Variants in ADAMTS2 observed in about 807,000 individuals in gnomAD.
The protein encoded by ADAMTS2 is A disintegrin and metalloproteinase with thrombospondin motifs 2.
A neutral mutation model predicts 123.0 loss-of-function variants in ADAMTS2; 50 were observed. The observed-to-expected ratio is 0.41, with a 90% confidence interval of 0.32 to 0.51. ADAMTS2 has a LOEUF of 0.51. Among genes scored for constraint, ADAMTS2 ranks in the 20% least tolerant of loss-of-function variants. ADAMTS2 has a pLI of 0.35. For missense variants in ADAMTS2, 1,494 were observed against 1,705.2 expected (o/e 0.88, Z 2.18); for synonymous variants, 678 against 695.4 (o/e 0.98, Z 0.39).
chr5:179,138,501 G>A (rs778606274), intron 11 of ADAMTS2, among the ~76,000 whole-genome samples: 2 of 152,252 alleles, frequency 1.3e-5, no homozygotes, highest in Non-Finnish European at 2.9e-5. Flanking sequence ...AAGGCGGGCT[G>A]CGTTTCTGCA....
chr5:179,248,900 A>G lies in ADAMTS2; in HGVS notation c.688+24011T>C, dbSNP rs76481501. ...TGTAAATCAACTAGACCTGACAGAC[A>G]TACATAGAGCACCCCACTCAACAGC... is the stretch of plus-strand genomic sequence containing the variant. On this transcript the variant is annotated intron_variant, in intron 3 of 21. Transcript: ENST00000251582. 5.7e-3 allele frequency among the ~76,000 whole-genome samples: 870 copies of G among 152,272 alleles called. 11 individuals are homozygous for G. Among genetic ancestry groups the G allele is most frequent in the African/African-American group, 0.02 (832 of 41,578 alleles).
chr5:179,140,034 T>C lies in ADAMTS2; in HGVS notation c.1631A>G (p.His544Arg). 1 of 1,613,960 alleles carries C rather than the reference T, an allele frequency of 6.2e-7. No homozygotes were observed. The highest frequency in any genetic ancestry group is 8.5e-7 in the Non-Finnish European group (1 of 1,179,930). ...LDGTMCAPGK[H>R]CFKGHCIWLT... is the part of the protein sequence containing the mutation. ...CCAGATGCAGTGTCCTTTAAAACAA[T>C]GCTGAAAGACAGGAAGCCAGTCCCT... Residue 544 changes from histidine to arginine, a missense_variant and splice_region_variant, in exon 11 of 22, where the codon CAT becomes CGT. By Grantham distance (29) the His-to-Arg change is conservative. Around this residue, in one of 6 missense-constraint regions of ADAMTS2, gnomAD observed 953 missense variants for 1,124.7 expected, o/e 0.85. Coordinates refer to ENST00000251582, the MANE Select transcript of ADAMTS2 (RefSeq NM_014244.5).
chr5:179,140,653 C>T (rs1016604414), intron 10 of ADAMTS2, among the ~76,000 whole-genome samples: 3 of 152,034 alleles, frequency 2.0e-5, no homozygotes, highest in African/African-American at 7.2e-5. Context: ...AAATTAGGTG[C>T]AAAATGGGTT....
At position 179,345,303 on chromosome 5, in the gene ADAMTS2, C is replaced by T; in HGVS notation, c.26G>A (p.Arg9His). MDPPAGAA[R>H]RLLCPALLLL... ...CAGCAGCGCGGGGCAGAGCAGGCGG[C>T]GAGCGGCTCCCGCCGGCGGATCCAT... Residue 9 changes from arginine (R) to histidine (H), a missense_variant, in exon 1 of 22, where the codon CGC (arginine) becomes CAC (histidine). Around this residue, in one of 6 missense-constraint regions of ADAMTS2, gnomAD observed 237 missense variants for 233.7 expected, o/e 1.01. Transcript: ENST00000251582. This position sits in a 1 kb window ranked among gnomAD's most constrained non-coding sequence, Gnocchi z 7.5. 8.8e-7 allele frequency: 1 copy of T among 1,136,404 alleles called. No individual in the cohort carries two copies. The highest frequency in any genetic ancestry group is 1.1e-6 in the Non-Finnish European group (1 of 928,028). 70.4% of individuals were successfully genotyped at this position (1,136,404 alleles called of 1,614,324 possible). A position where few individuals can be genotyped will look rare whatever the true frequency, so the allele number is the denominator to read the frequency against.
At position 179,256,051 on chromosome 5, in the gene ADAMTS2, C is replaced by T. The variant is rs560345215; in HGVS notation, c.688+16860G>A. On this transcript the variant is annotated intron_variant, in intron 3 of 21. Transcript: ENST00000251582. This position sits in a 1 kb window ranked among gnomAD's most constrained non-coding sequence, Gnocchi z 4.1. ...CTCCTTCTCTGTCCCCAGCCTCTCC[C>T]GCAGCTTGGCCTTGGTCCACCGTGG... Among the ~76,000 whole-genome samples, 47 of 152,326 alleles carry T rather than the reference C, an allele frequency of 3.1e-4. No homozygotes were observed. In the South Asian group the frequency reaches 9.5e-3, roughly 31 times the overall value.
chr5:179,320,143 G>A (rs1334262483), intron 2 of ADAMTS2, among the ~76,000 whole-genome samples: 1 of 152,204 alleles, frequency 6.6e-6, no homozygotes, highest in East Asian at 1.9e-4. Flanking sequence ...AGGGAAGGGA[G>A]GCCACGGAGG....
Position 179,308,655 on chromosome 5 carries a change from A to G in ADAMTS2, c.534+35112T>C, listed in dbSNP as rs910953486. Among the ~76,000 whole-genome samples, 3 of 152,184 alleles carry G rather than the reference A, an allele frequency of 2.0e-5. No individual in the cohort carries two copies. Among genetic ancestry groups the G allele is most frequent in the Non-Finnish European group, 2.9e-5 (2 of 68,034 alleles). ...GCCCATGTGTATGTGGATTGGGGGA[A>G]ATTCCCAAGGCCTCTCAGAGAAGTG... is the stretch of plus-strand genomic sequence containing the variant. On this transcript the variant is annotated intron_variant, in intron 2 of 21. Coordinates refer to ENST00000251582, the MANE Select transcript of ADAMTS2 (RefSeq NM_014244.5). This position sits in a 1 kb window ranked among gnomAD's most constrained non-coding sequence, Gnocchi z 6.6.
chr5:179,299,494 A>C (rs1051859041), intron 2 of ADAMTS2, among the ~76,000 whole-genome samples: 1 of 144,142 alleles, frequency 6.9e-6, no homozygotes, highest in Non-Finnish European at 1.5e-5. Flanking sequence ...ACACCACAGC[A>C]CTCCAGCCTG....
In ADAMTS2 at chr5:179,129,864, A is replaced by T; in HGVS notation, c.2457+68T>A. 1 of 1,597,418 alleles carries T rather than the reference A, an allele frequency of 6.3e-7. No individual in the cohort carries two copies. On this transcript the variant is annotated intron_variant, in intron 16 of 21. Transcript: ENST00000251582. This position sits in a 1 kb window ranked among gnomAD's most constrained non-coding sequence, Gnocchi z 4.1. ...GAAGGGTCAGGAGGCTCAGCGTCCCAGGCACCCCCATCCCTCCCCCAGTGG... is the reference window on the plus strand; with the variant it reads ...GAAGGGTCAGGAGGCTCAGCGTCCCTGGCACCCCCATCCCTCCCCCAGTGG...
chr5:179,325,766 A>G (rs1757296509), intron 2 of ADAMTS2, among the ~76,000 whole-genome samples: 1 of 152,244 alleles, frequency 6.6e-6, no homozygotes, highest in Admixed American at 6.5e-5. Flanking sequence ...TGCCGCCCTG[A>G]GCCCCGCATT....
intron 3 of ADAMTS2, among the ~76,000 whole-genome samples, chr5:179,232,072 T>C (rs75773672): frequency 0.02 from 3,061 of 152,336 alleles, 103 homozygotes; most frequent in African/African-American, 0.067. Flanking sequence ...AATTTTACAT[T>C]ATGAAATAGA....
chr5:179,317,613 A>G lies in ADAMTS2; in HGVS notation c.534+26154T>C, dbSNP rs891646445. Among the ~76,000 whole-genome samples, 1 of 152,124 alleles carries G rather than the reference A, an allele frequency of 6.6e-6. No homozygotes were observed. The highest frequency in any genetic ancestry group is 1.5e-5 in the Non-Finnish European group (1 of 68,012). On this transcript the variant is annotated intron_variant, in intron 2 of 21. Coordinates refer to ENST00000251582, the MANE Select transcript of ADAMTS2 (RefSeq NM_014244.5). The surrounding 1 kb of genome is among the most constrained non-coding windows in gnomAD (Gnocchi z 4.9). ...CAGCACTGCAGTGTTGGTGTAATCTATGTCCCCCGGATGGCCAGCGGGCAC... is the reference window on the plus strand; with the variant it reads ...CAGCACTGCAGTGTTGGTGTAATCTGTGTCCCCCGGATGGCCAGCGGGCAC...
At chr5:179,173,265 A>G (rs1383175970) in intron 5 of ADAMTS2, among the ~76,000 whole-genome samples, 1 of 150,878 alleles carries the variant, frequency 6.6e-6, no homozygotes, top group Non-Finnish European at 1.5e-5. Flanking sequence ...TGCTCATCAT[A>G]TTGAATTTAA....
intron 18 of ADAMTS2, 46 bp downstream of exon 18, chr5:179,125,952 C>T: frequency 6.2e-7 from 1 of 1,611,918 alleles, no homozygotes; most frequent in East Asian, 2.2e-5. Context: ...CCCTGGTGGC[C>T]CCTGGCCTGT....
intron 17 of ADAMTS2, among the ~76,000 whole-genome samples, chr5:179,127,635 C>T (rs1762882161): frequency 6.6e-6 from 1 of 152,094 alleles, no homozygotes; most frequent in African/African-American, 2.4e-5. Context: ...GCGATCCTGC[C>T]AATGCCACGG....
Position 179,207,557 on chromosome 5 carries a change from C to T in ADAMTS2, c.847G>A (p.Gly283Arg), listed in dbSNP as rs376856341. ...AGGTACTTCTGTACGTGCTCCTTCC[C>T]GTGGAACTGCACCACAGAGTCATCC... ...GVDDSVVQFH[G>R]KEHVQKYLLT... Residue 283 changes from glycine (G) to arginine (R), a missense_variant, in exon 4 of 22, where the codon GGG becomes AGG. Gly to Arg is a moderately radical substitution (Grantham distance 125). Around this residue, in one of 6 missense-constraint regions of ADAMTS2, gnomAD observed 184 missense variants for 152.1 expected, o/e 1.21. Coordinates refer to ENST00000251582, the MANE Select transcript of ADAMTS2 (RefSeq NM_014244.5). 9.9e-5 allele frequency: 159 copies of T among 1,613,594 alleles called. No homozygotes were observed. Among genetic ancestry groups the T allele is most frequent in the Middle Eastern group, 8.2e-4 (5 of 6,062 alleles).
chr5:179,131,450 G>A (rs916515203), intron 15 of ADAMTS2, among the ~76,000 whole-genome samples: 17 of 152,100 alleles, frequency 1.1e-4, no homozygotes, highest in Non-Finnish European at 1.8e-4. Context: ...GGCAGCGTGG[G>A]TGCTGGTCCA....
rs1764158830 is a variant in ADAMTS2, at chr5:179,185,715, T to TGGGGTGTC, written c.892-4568_892-4561dup. 6.6e-6 allele frequency among the ~76,000 whole-genome samples: 1 copy of TGGGGTGTC among 151,940 alleles called. No individual in the cohort carries two copies. Among genetic ancestry groups the TGGGGTGTC allele is most frequent in the Admixed American group, 6.6e-5 (1 of 15,258 alleles). On this transcript the variant is annotated intron_variant, in intron 4 of 21. Transcript: ENST00000251582. This position sits in a 1 kb window ranked among gnomAD's most constrained non-coding sequence, Gnocchi z 5.9. ...AGGTGGGGTCGAGGCAGCTGAGCCC[T>TGGGGTGTC]GGGGTGTCAGGCTGCTAGGCGTGGG...
chr5:179,254,838 G>T (rs1160072110), intron 3 of ADAMTS2, among the ~76,000 whole-genome samples: 1 of 152,266 alleles, frequency 6.6e-6, no homozygotes, highest in Admixed American at 6.5e-5. Context: ...TCATCTGGGA[G>T]TCTGCCTTTT....
Sources: allele counts gnomAD v4.1 joint callset (sites outside exome capture counted in the v4.1 genomes callset), GRCh38; gene constraint gnomAD v4.1.1; regional missense constraint gnomAD v4.1.1; non-coding constraint Gnocchi (gnomAD v3.1); transcripts MANE v1.5; gene names NCBI Gene and HGNC (gene_info 2026-07-23, HGNC 2026-07-21).